SAE1: variants seen among roughly 807,000 people sequenced by gnomAD.
The protein encoded by SAE1 is SUMO-activating enzyme subunit 1.
In SAE1, 11 loss-of-function variants were observed where a neutral mutation model predicts 40.6. The observed-to-expected ratio is 0.27, with a 90% CI of 0.17 to 0.45. The LOEUF (loss-of-function observed/expected upper bound fraction) is 0.45. SAE1 is among the 20% of genes least tolerant of loss of function. The probability of loss-of-function intolerance (pLI) is 1.00; values close to 1 mark genes in which losing one functional copy is unlikely to be tolerated. For missense variants in SAE1, 373 were observed against 427.3 expected (o/e 0.87, Z 1.12); for synonymous variants, 155 against 154.3 (o/e 1.00, Z -0.03).
At chr19:47,145,722 A>G (rs2123197934) in intron 2 of SAE1, among the ~76,000 whole-genome samples, 1 of 152,294 alleles carries the variant, frequency 6.6e-6, no homozygotes, top group East Asian at 1.9e-4. Context: ...CTGGGATTAC[A>G]TAATTACTTC....
chr19:47,188,391 G>A (rs544755479), intron 6 of SAE1, among the ~76,000 whole-genome samples: 43 of 152,160 alleles, frequency 2.8e-4, no homozygotes, highest in African/African-American at 9.9e-4. Flanking sequence ...TGTGAGTAAG[G>A]TATCTAAGGG....
Position 47,160,596 on chromosome 19 carries a change from C to T in SAE1, c.627+5383C>T, listed in dbSNP as rs574087734. Among the ~76,000 whole-genome samples, 12 of 152,090 alleles carry T rather than the reference C, an allele frequency of 7.9e-5. No individual in the cohort carries two copies. The South Asian group carries it at 1.2e-3, about 16-fold the overall frequency. ...ATTTCTAGTAGAGATGGGGTTTCAC[C>T]GTGTTAGCCAGGATGGTCTCGATCT... is the stretch of plus-strand genomic sequence containing the variant. On this transcript the variant is annotated intron_variant, in intron 5 of 8. Transcript: ENST00000270225.
In SAE1 at chr19:47,132,723, C is replaced by CA. The variant is rs575685367; in HGVS notation, c.98+1702dup. On this transcript the variant is annotated intron_variant, in intron 1 of 8. Coordinates refer to ENST00000270225, the MANE Select transcript of SAE1 (RefSeq NM_005500.3). ...GTAATGTTGCCAAACCCAGTCTCTA[C>CA]AAAAAAATACAAAAATTAGCCAGGC... 2.6e-4 allele frequency among the ~76,000 whole-genome samples: 39 copies of CA among 151,550 alleles called. 1 individual carries two copies. The highest frequency in any genetic ancestry group is 2.3e-3 in the South Asian group (11 of 4,822).
chr19:47,204,187 C>CTTTTTTTTTTTTTTT (rs57736880), intron 8 of SAE1, among the ~76,000 whole-genome samples: 1 of 82,102 alleles, frequency 1.2e-5, no homozygotes, highest in African/African-American at 5.8e-5. Context: ...AAAGCCCTCC[C>CTTTTTTTTTTTTTTT]TTTTTTTTTT....
At chr19:47,138,519 A>G (rs2123182234) in intron 1 of SAE1, among the ~76,000 whole-genome samples, 1 of 152,320 alleles carries the variant, frequency 6.6e-6, no homozygotes, top group South Asian at 2.1e-4. Context: ...TTTATTATGT[A>G]CCAGATTTCT....
At chr19:47,182,830 C>T (rs964852221) in intron 6 of SAE1, among the ~76,000 whole-genome samples, 2 of 152,112 alleles carry the variant, frequency 1.3e-5, no homozygotes, top group African/African-American at 4.8e-5. Flanking sequence ...GGCTTGTAAT[C>T]CCAGCCCTTT....
At chr19:47,173,925 C>T (rs1285343920) in intron 6 of SAE1, among the ~76,000 whole-genome samples, 8 of 152,012 alleles carry the variant, frequency 5.3e-5, no homozygotes, top group East Asian at 1.9e-4. Flanking sequence ...GCTGGGACTA[C>T]AGGCGCCTGC....
intron 7 of SAE1, among the ~76,000 whole-genome samples, chr19:47,201,615 G>T (rs1448889387): frequency 6.6e-6 from 1 of 150,694 alleles, no homozygotes; most frequent in Non-Finnish European, 1.5e-5. Flanking sequence ...GCCAAAATGA[G>T]ATTCTACCAG....
At chr19:47,172,432 C>T (rs910598614) in intron 6 of SAE1, among the ~76,000 whole-genome samples, 1 of 152,048 alleles carries the variant, frequency 6.6e-6, no homozygotes. Context: ...CTCACTGCCT[C>T]GCACATAGAA....
At chr19:47,165,446 T>A (rs1311174673) in intron 5 of SAE1, among the ~76,000 whole-genome samples, 4 of 152,044 alleles carry the variant, frequency 2.6e-5, no homozygotes, top group Non-Finnish European at 5.9e-5. Flanking sequence ...GAAATGTATG[T>A]GAAGGATGGT....
Position 47,139,881 on chromosome 19 carries a change from G to A in SAE1, c.99-3613G>A, listed in dbSNP as rs1284021371. On this transcript the variant is annotated intron_variant, in intron 1 of 8. Coordinates refer to ENST00000270225, the MANE Select transcript of SAE1 (RefSeq NM_005500.3). ...CTCCCAAAGTGTTGGGATTATAGGCGTGAGGCACCGTGCCCTGCTGAATGT... is the reference window on the plus strand; with the variant it reads ...CTCCCAAAGTGTTGGGATTATAGGCATGAGGCACCGTGCCCTGCTGAATGT... Among the ~76,000 whole-genome samples the A allele has an allele frequency of 4.6e-5, 7 of 150,716 alleles. No individual in the cohort carries two copies. In the East Asian group the frequency reaches 5.9e-4, roughly 13 times the overall value.
intron 5 of SAE1, among the ~76,000 whole-genome samples, chr19:47,166,179 G>C (rs1432512434): frequency 1.3e-5 from 2 of 152,162 alleles, no homozygotes; most frequent in Non-Finnish European, 2.9e-5. Flanking sequence ...CCAGAGACGT[G>C]GGGGTTTGGT....
chr19:47,178,135 G>A (rs979852466), intron 6 of SAE1, among the ~76,000 whole-genome samples: 2 of 152,036 alleles, frequency 1.3e-5, no homozygotes, highest in African/African-American at 4.8e-5. Flanking sequence ...CAGCTACTCG[G>A]GAGGGGGAGG....
At chr19:47,132,906 T>C (rs1310822327) in intron 1 of SAE1, among the ~76,000 whole-genome samples, 1 of 138,852 alleles carries the variant, frequency 7.2e-6, no homozygotes, top group African/African-American at 2.7e-5. Context: ...AAAAAAAAAA[T>C]CCACAAGCGT....
At chr19:47,187,709 A>G (rs1017509790) in intron 6 of SAE1, among the ~76,000 whole-genome samples, 6 of 152,022 alleles carry the variant, frequency 3.9e-5, no homozygotes, top group African/African-American at 9.7e-5. Context: ...TTTAGCAGAG[A>G]CGGGGTTTCA....
rs766272291 is a variant in SAE1, at chr19:47,209,330, A to G, written c.*79A>G. On this transcript the variant is annotated 3_prime_UTR_variant, in exon 9 of 9. Transcript: ENST00000270225. ...CCCTGTCCCCTTCCTTCATGAAGGC[A>G]TCTCCAGGCAAGGAAAACTGAAGTC... The G allele has an allele frequency of 7.5e-6, 12 of 1,606,172 alleles. No homozygotes were observed. Among genetic ancestry groups the G allele is most frequent in the African/African-American group, 4.0e-5 (3 of 74,716 alleles).
rs1424518537 is a variant in SAE1 at position 47,182,459 on chromosome 19, AGC to A, written c.733+12538_733+12539del. Among the ~76,000 whole-genome samples the A allele has an allele frequency of 6.1e-5, 8 of 130,470 alleles. No individual in the cohort carries two copies. In the South Asian group the frequency reaches 1.9e-3, roughly 31 times the overall value. 85.6% of individuals were successfully genotyped at this position (130,470 alleles called of 152,430 possible). On this transcript the variant is annotated intron_variant, in intron 6 of 8. Coordinates refer to ENST00000270225, the MANE Select transcript of SAE1 (RefSeq NM_005500.3). ...AATAATTTGTAAGGAAAAAGAAAAA[AGC>A]GTAGTGTGTGTGTGTGTGTGTGTGT... is the stretch of plus-strand genomic sequence containing the variant.
chr19:47,157,276 T>TG (rs34218710), intron 5 of SAE1, among the ~76,000 whole-genome samples: 2 of 152,294 alleles, frequency 1.3e-5, no homozygotes, highest in East Asian at 3.9e-4. Flanking sequence ...GGCCAAAACT[T>TG]GGGTGCCTTT....
Position 47,164,639 on chromosome 19 carries a change from C to CTTTTTTTTT in SAE1, c.628-5160_628-5152dup, listed in dbSNP as rs1166301382. 5.1e-5 allele frequency among the ~76,000 whole-genome samples: 4 copies of CTTTTTTTTT among 78,388 alleles called. 1 individual carries two copies. The highest frequency in any genetic ancestry group is 2.2e-4 in the African/African-American group (4 of 18,364). The allele number at this position is 78,388 out of a possible 152,430, so 51.4% of individuals were successfully genotyped here. On this transcript the variant is annotated intron_variant, in intron 5 of 8. Transcript: ENST00000270225. ...TTGATGGGCTATGTGGAGAATTCAC[C>CTTTTTTTTT]TTTTTTTTTTTTTTTTTTTTTTTTT...
Sources: allele counts gnomAD v4.1 joint callset (sites outside exome capture counted in the v4.1 genomes callset), GRCh38; gene constraint gnomAD v4.1.1; transcripts MANE v1.5; gene names NCBI Gene and HGNC (gene_info 2026-07-23, HGNC 2026-07-21).